Variants in TASOR2 observed in about 807,000 individuals in gnomAD.
TASOR2 encodes protein TASOR 2.
TASOR2 carries 84 observed loss-of-function variants against 199.5 expected under a neutral mutation model. That is an observed-to-expected ratio of 0.42 (90% confidence interval 0.35 to 0.50). TASOR2 has a LOEUF of 0.50. TASOR2 is among the 20% of genes least tolerant of loss of function. TASOR2 has a pLI of 0.02. For synonymous variants in TASOR2, 1,103 were observed against 1,046.6 expected (o/e 1.05, Z -1.04); for missense variants, 2,796 against 2,835.9 (o/e 0.99, Z 0.32).
intron 18 of TASOR2, 139 bp from the exon 20 acceptor site, chr10:5,761,150 TA>T: frequency 1.5e-6 from 1 of 666,592 alleles, no homozygotes; most frequent in Non-Finnish European, 2.5e-6. Context: ...TGTTTTGAGG[TA>T]ACCAAAGTGT....
chr10:5,694,195 A>G (rs73610563), intron 1 of TASOR2, among the ~76,000 whole-genome samples: 6,296 of 152,286 alleles, frequency 0.041, 176 homozygotes, highest in African/African-American at 0.078. Context: ...ACTCAGTAGT[A>G]AGTCAGGGAA....
chr10:5,706,077 TTTTTTTCCTCCG>T lies in TASOR2; in HGVS notation c.-287-6741_-287-6730del, dbSNP rs1838555481. On this transcript the variant is annotated intron_variant, in intron 1 of 20. Transcript: ENST00000328090. This position sits in a 1 kb window ranked among gnomAD's most constrained non-coding sequence, Gnocchi z 4.8. ...TTAAGGTAGAGGTTTGAGGTTCATG[TTTTTTTCCTCCG>T]TTTTAGTTGTTCTGTAGCAGCATTT... Among the ~76,000 whole-genome samples, 1 of 152,168 alleles carries T rather than the reference TTTTTTTCCTCCG, an allele frequency of 6.6e-6. No individual in the cohort carries two copies. Among genetic ancestry groups the T allele is most frequent in the South Asian group, 2.1e-4 (1 of 4,830 alleles).
intron 2 of TASOR2, among the ~76,000 whole-genome samples, chr10:5,716,543 A>G (rs942284783): frequency 2.0e-5 from 3 of 152,102 alleles, no homozygotes; most frequent in African/African-American, 7.2e-5. Flanking sequence ...CCCCACCCTC[A>G]TTTCATTATG....
chr10:5,742,603 A>G lies in TASOR2; in HGVS notation c.2757+77A>G. 1 of 1,375,186 alleles carries G rather than the reference A, an allele frequency of 7.3e-7. No homozygotes were observed. The highest frequency in any genetic ancestry group is 1.0e-6 in the Non-Finnish European group (1 of 1,001,020). 85.2% of individuals were successfully genotyped at this position (1,375,186 alleles called of 1,614,324 possible). On this transcript the variant is annotated intron_variant, in intron 14 of 20. Coordinates refer to ENST00000328090, the Ensembl canonical transcript of TASOR2. The surrounding 1 kb of genome is among the most constrained non-coding windows in gnomAD (Gnocchi z 4.2). ...ATGTTTATATGTAAAATCACATTCA[A>G]AACAAGGCATTTTTAAATTTTAGGA...
At chr10:5,717,912 T>G (rs534490474) in intron 3 of TASOR2, among the ~76,000 whole-genome samples, 162 bp downstream of exon 4, 1 of 152,308 alleles carries the variant, frequency 6.6e-6, no homozygotes, top group East Asian at 1.9e-4. Flanking sequence ...AAAGAAAACT[T>G]TGATTCATTT....
Position 5,700,792 on chromosome 10 carries a change from G to GCC in TASOR2, c.-287-12031_-287-12030insCC, listed in dbSNP as rs570365125. On this transcript the variant is annotated intron_variant, in intron 1 of 20. Coordinates refer to ENST00000328090, the Ensembl canonical transcript of TASOR2. Reference sequence around the variant, plus strand: ...TTAATTGGATTATTTGTGGGGGTGTGTCTGTGTGTGTGTGTGTGTGTGTTT... The same window carrying GCC: ...TTAATTGGATTATTTGTGGGGGTGTGCCTCTGTGTGTGTGTGTGTGTGTGTTT... Among the ~76,000 whole-genome samples, 79 of 103,628 alleles carry GCC rather than the reference G, an allele frequency of 7.6e-4. 1 individual carries two copies. The South Asian group carries it at 0.023, about 30-fold the overall frequency. The allele number at this position is 103,628 out of a possible 152,430, so 68.0% of individuals were successfully genotyped here.
chr10:5,714,610 G>A (rs1832367139), intron 2 of TASOR2: 1 of 147,304 alleles, frequency 6.8e-6, no homozygotes, highest in African/African-American at 2.6e-5. Context: ...TAGAGAAGCT[G>A]ATGAGTTAAA....
intron 11 of TASOR2, among the ~76,000 whole-genome samples, chr10:5,732,625 A>G (rs1834984512): frequency 6.6e-6 from 1 of 152,224 alleles, no homozygotes; most frequent in Admixed American, 6.5e-5. Context: ...TGACATGATC[A>G]TAGCTCACTG....
rs1343087390 is a variant in TASOR2, at chr10:5,735,213, A to G, written c.1205-91A>G. ...CCCATTACTAAAGTTACTGTCCCCA[A>G]AATAAAAACAAAACAAAACAAAAAA... On this transcript the variant is annotated intron_variant, in intron 11 of 20. Coordinates refer to ENST00000328090, the Ensembl canonical transcript of TASOR2. 2.7e-6 allele frequency: 4 copies of G among 1,493,490 alleles called. No individual in the cohort carries two copies. The East Asian group carries it at 6.8e-5, about 25-fold the overall frequency. The allele number at this position is 1,493,490 out of a possible 1,614,324, so 92.5% of individuals were successfully genotyped here. A position where few individuals can be genotyped will look rare whatever the true frequency, so the allele number is the denominator to read the frequency against.
exon 21 of TASOR2, chr10:5,763,068 A>G (rs1364759290): frequency 1.2e-6 from 2 of 1,606,106 alleles, no homozygotes; most frequent in Non-Finnish European, 1.7e-6. Context: ...GATGATGCCA[A>G]TAAAAAATTA....
intron 7 of TASOR2, 109 bp from the exon 9 acceptor site, chr10:5,724,321 A>C (rs1833751492): frequency 2.2e-6 from 1 of 464,138 alleles, no homozygotes; most frequent in Non-Finnish European, 3.9e-6. Flanking sequence ...AAGGTTTCTG[A>C]GTAGTATTTC....
rs572146183 is a variant in TASOR2, at chr10:5,699,906, C to T, written c.-287-12917C>T. ...GTCATATAATTTGTAGAGATCAAGT[C>T]AGTGTAGTTGGGTCATCTGTTACCT... On this transcript the variant is annotated intron_variant, in intron 1 of 20. Transcript: ENST00000328090. This position sits in a 1 kb window ranked among gnomAD's most constrained non-coding sequence, Gnocchi z 4.1. 2.0e-5 allele frequency among the ~76,000 whole-genome samples: 3 copies of T among 152,248 alleles called. No individual in the cohort carries two copies. The South Asian group carries it at 6.2e-4, about 32-fold the overall frequency.
intron 11 of TASOR2, among the ~76,000 whole-genome samples, chr10:5,734,884 G>A (rs945559943): frequency 6.6e-6 from 1 of 151,748 alleles, no homozygotes; most frequent in African/African-American, 2.4e-5. Flanking sequence ...TTTTTGTACA[G>A]TGTCTTGCCA....
intron 2 of TASOR2, among the ~76,000 whole-genome samples, chr10:5,715,233 TAA>T (rs35302172): frequency 2.2e-3 from 306 of 140,722 alleles, no homozygotes; most frequent in African/African-American, 4.1e-3. Flanking sequence ...TTTTTTTTTT[TAA>T]AAAAAAACTG....
exon 2 of TASOR2, chr10:5,712,859 TATACTC>T: frequency 1.6e-6 from 2 of 1,231,348 alleles, no homozygotes; most frequent in Middle Eastern, 3.1e-4. Context: ...AGCAAGTAGT[TATACTC>T]AGGAAGAACT....
chr10:5,735,819 A>G (rs1159787951), intron 12 of TASOR2, among the ~76,000 whole-genome samples: 2 of 152,240 alleles, frequency 1.3e-5, no homozygotes, highest in African/African-American at 4.8e-5. Flanking sequence ...TAAAGTATAA[A>G]TGGCCTTATT....
chr10:5,761,241 T>C, intron 18 of TASOR2, 49 bp from the exon 20 acceptor site: 3 of 1,521,766 alleles, frequency 2.0e-6, no homozygotes, highest in Admixed American at 1.9e-5. Context: ...GAAAAAGTCC[T>C]AAGAATAAAA....
chr10:5,761,184 AGAAAGGCAGAG>A, intron 18 of TASOR2, 95 bp from the exon 20 acceptor site: 1 of 833,768 alleles, frequency 1.2e-6, no homozygotes, highest in Non-Finnish European at 1.7e-6. Flanking sequence ...AACGTCAAGA[AGAAAGGCAGAG>A]GAACTCATGA....
chr10:5,760,247 T>C (rs779764874), intron 18 of TASOR2, among the ~76,000 whole-genome samples: 2 of 152,176 alleles, frequency 1.3e-5, no homozygotes, highest in African/African-American at 2.4e-5. Flanking sequence ...TAAATTACAG[T>C]AGTATAATTT....
Sources: gnomAD v4.1 joint callset for allele counts (sites outside exome capture counted in the v4.1 genomes callset) on GRCh38, gnomAD v4.1.1 for gene constraint, Gnocchi (gnomAD v3.1) non-coding constraint, MANE v1.5 for transcripts, NCBI Gene and HGNC (gene_info 2026-07-23, HGNC 2026-07-21) for gene names.